Variants in NDRG1 observed in about 807,000 individuals in gnomAD.
NDRG1 encodes N-myc downstream regulated 1.
Under a neutral mutation model 56.9 loss-of-function variants are expected in NDRG1, and 32 were observed. The observed-to-expected ratio is 0.56, with a 90% confidence interval of 0.42 to 0.76. The LOEUF is 0.76. NDRG1 is among the 30% of genes least tolerant of loss of function. The pLI is 0.00. For synonymous variants in NDRG1, 211 were observed against 204.1 expected, an observed-to-expected ratio of 1.03 and a Z score of -0.29; for missense variants, 507 against 545.7, an observed-to-expected ratio of 0.93 and a Z score of 0.71.
chr8:133,238,899 C>T lies in NDRG1; in HGVS notation c.1164G>A (p.Lys388=), dbSNP rs779857124. 1.3e-6 allele frequency: 2 copies of T among 1,556,890 alleles called. No homozygotes were observed. The highest frequency in any genetic ancestry group is 8.7e-7 in the Non-Finnish European group (1 of 1,151,122). The stretch of plus-strand genomic sequence containing the variant: ...CCGCCTAGCAGGAGACCTCCATGGA[C>T]TTGGGCCCGGCGCTGTTCCCAGCAG... The part of the protein sequence containing the change: ...SGAAGNSAGP[K]SMEVSC The change falls in exon 16 of 16, where the codon AAG becomes AAA. Residue 388 remains lysine (K), a synonymous_variant. Transcript: ENST00000323851.
At chr8:133,259,392 C>A in intron 5 of NDRG1, 162 bp from the exon 6 acceptor site, 1 of 696,038 alleles carries the variant, frequency 1.4e-6, no homozygotes, top group Admixed American at 2.1e-5. Context: ...TCCAAGACCC[C>A]TGCAGCACAC....
rs75751459 is a variant in NDRG1, at chr8:133,264,821, G to C, written c.100-169C>G. The stretch of plus-strand genomic sequence containing the variant: ...TCTCTCTGGCCAGAAGCCACTCCAA[G>C]GACCAGGGCTAGGAGGGGACTCCCA... On this transcript the variant is annotated intron_variant, in intron 3 of 15. Transcript: ENST00000323851. 17 of 675,284 alleles carry C rather than the reference G, an allele frequency of 2.5e-5. 2 individuals are homozygous for C. 41.8% of individuals were successfully genotyped at this position (675,284 alleles called of 1,614,324 possible).
chr8:133,269,531 C>A (rs6992807), intron 3 of NDRG1, among the ~76,000 whole-genome samples: 1 of 152,068 alleles, frequency 6.6e-6, no homozygotes, highest in Non-Finnish European at 1.5e-5. Context: ...ACGGAACAAC[C>A]ATTGCAGAGA....
chr8:133,262,154 G>A lies in NDRG1; in HGVS notation c.219C>T (p.Tyr73=), dbSNP rs1156608248. The A allele has an allele frequency of 1.9e-6, 3 of 1,613,962 alleles. No homozygotes were observed. The African/African-American group carries it at 4.0e-5, about 22-fold the overall frequency. The change falls in exon 5 of 16, where the codon TAC becomes TAT. Residue 73 remains tyrosine (Y), a synonymous_variant. Transcript: ENST00000323851. ...HDIGMNHKTC[Y]NPLFNYEDMQ... is the part of the protein sequence containing the mutation. ...TGTCCTCGTAGTTGAAGAGGGGGTT[G>A]TAGCAGGTTTTGTCTGAAGAACAGC...
At chr8:133,262,369 A>G in intron 4 of NDRG1, 1 of 620,016 alleles carries the variant, frequency 1.6e-6, no homozygotes, top group Admixed American at 2.7e-5. Context: ...AGCAAGAGTA[A>G]GTTTCATGGG....
chr8:133,239,185 G>C, intron 15 of NDRG1, 66 bp from the exon 16 acceptor site: 1 of 1,545,030 alleles, frequency 6.5e-7, no homozygotes, highest in Non-Finnish European at 8.7e-7. Context: ...AGGCATGCCC[G>C]TCCACCAGCC....
intron 3 of NDRG1, among the ~76,000 whole-genome samples, chr8:133,275,318 C>T (rs1857396407): frequency 6.6e-6 from 1 of 152,182 alleles, no homozygotes; most frequent in Non-Finnish European, 1.5e-5. Context: ...TTGGTAACAA[C>T]CTTGAAAAGT....
At chr8:133,254,682 G>GGAA in intron 8 of NDRG1, 87 bp from the exon 9 acceptor site, 1 of 1,385,714 alleles carries the variant, frequency 7.2e-7, no homozygotes, top group Non-Finnish European at 1.0e-6. Flanking sequence ...CTGGGTGCAG[G>GGAA]GTGGCATTGC....
chr8:133,265,872 G>C (rs1014938022), intron 3 of NDRG1, among the ~76,000 whole-genome samples: 2 of 152,196 alleles, frequency 1.3e-5, no homozygotes, highest in African/African-American at 4.8e-5. Flanking sequence ...CCCTCCTCAA[G>C]GTCAACCAGA....
At chr8:133,284,722 A>C (rs1175183769) in intron 1 of NDRG1, 1 of 461,720 alleles carries the variant, frequency 2.2e-6, no homozygotes, top group South Asian at 1.6e-5. Flanking sequence ...CCCGTGTGAC[A>C]ATGAAAGGGG....
intron 3 of NDRG1, among the ~76,000 whole-genome samples, chr8:133,265,383 G>A (rs980043515): frequency 6.6e-6 from 1 of 152,150 alleles, no homozygotes; most frequent in Non-Finnish European, 1.5e-5. Flanking sequence ...CTGAAAGTAT[G>A]GCCAGCCCAG....
chr8:133,296,694 GAC>G lies in NDRG1; in HGVS notation c.-19+438_-19+439del, dbSNP rs36215434. The G allele has an allele frequency of 0.099, 26,519 of 268,952 alleles. 1,001 individuals are homozygous for G. Among genetic ancestry groups the G allele is most frequent in the African/African-American group, 0.12 (5,081 of 41,626 alleles). The allele number at this position is 268,952 out of a possible 1,614,324, so 16.7% of individuals were successfully genotyped here. ...CGCAATCTCTCCGTTCCCAGACACAGACACACACACACACACACACACACACA... is the reference window on the plus strand; with the variant it reads ...CGCAATCTCTCCGTTCCCAGACACAGACACACACACACACACACACACACA... On this transcript the variant is annotated intron_variant, in intron 1 of 15. Transcript: ENST00000323851.
chr8:133,295,704 G>A (rs997872186), intron 1 of NDRG1, among the ~76,000 whole-genome samples: 4 of 152,216 alleles, frequency 2.6e-5, no homozygotes, highest in African/African-American at 9.7e-5. Flanking sequence ...AAGAACAGGG[G>A]GTTTGTATTT....
chr8:133,269,035 T>C (rs1586460751), intron 3 of NDRG1, among the ~76,000 whole-genome samples: 1 of 152,222 alleles, frequency 6.6e-6, no homozygotes, highest in Middle Eastern at 3.2e-3. Context: ...TCTGTCCTTC[T>C]GTCCCTGCGG....
chr8:133,249,886 CG>C (rs1855916092), intron 10 of NDRG1, among the ~76,000 whole-genome samples: 1 of 152,352 alleles, frequency 6.6e-6, no homozygotes, highest in South Asian at 2.1e-4. Context: ...GCAGGTTGAG[CG>C]AGCTCCCTGG....
intron 7 of NDRG1, 29 bp downstream of exon 7, chr8:133,258,337 C>A: frequency 1.9e-6 from 3 of 1,597,686 alleles, no homozygotes; most frequent in African/African-American, 1.3e-5. Flanking sequence ...ATTTAAAATG[C>A]GATTTTCAAA....
At chr8:133,292,276 G>A (rs1858472808) in intron 1 of NDRG1, among the ~76,000 whole-genome samples, 1 of 152,216 alleles carries the variant, frequency 6.6e-6, no homozygotes, top group Admixed American at 6.5e-5. Context: ...TTTGTCCCGA[G>A]ATGGGATGCT....
intron 14 of NDRG1, among the ~76,000 whole-genome samples, chr8:133,243,123 G>A (rs893911426): frequency 7.9e-5 from 12 of 152,188 alleles, no homozygotes; most frequent in Admixed American, 1.3e-4. Flanking sequence ...GAGGGCACTG[G>A]TAGAGGCTGG....
intron 3 of NDRG1, among the ~76,000 whole-genome samples, chr8:133,268,928 G>A (rs948074970): frequency 3.3e-5 from 5 of 152,120 alleles, no homozygotes; most frequent in East Asian, 1.9e-4. Context: ...GCACGCACGC[G>A]GTTCTAAGCC....
Sources: gnomAD v4.1 joint callset for allele counts (sites outside exome capture counted in the v4.1 genomes callset) on GRCh38, gnomAD v4.1.1 for gene constraint, MANE v1.5 for transcripts, NCBI Gene and HGNC (gene_info 2026-07-23, HGNC 2026-07-21) for gene names.